The following GFOD1 variants were observed in gnomAD, a reference collection of about 807,000 sequenced individuals.
GFOD1 encodes glucose-fructose oxidoreductase domain-containing protein 1.
GFOD1 carries 9 observed loss-of-function variants against 25.4 expected under a neutral mutation model. That is an observed-to-expected ratio of 0.35 (90% CI 0.21 to 0.62). GFOD1 has a LOEUF of 0.62. GFOD1 is among the 20% of genes least tolerant of loss of function. The pLI is 0.72. For missense variants in GFOD1, 403 were observed against 556.9 expected, an observed-to-expected ratio of 0.72 and a Z score of 2.78; for synonymous variants, 253 against 245.6, an observed-to-expected ratio of 1.03 and a Z score of -0.28.
chr6:13,411,074 A>G (rs538446433), intron 1 of GFOD1, among the ~76,000 whole-genome samples: 4 of 152,354 alleles, frequency 2.6e-5, no homozygotes, highest in African/African-American at 9.6e-5. Flanking sequence ...ACCTTTGAGT[A>G]TGCTGTCATT....
At chr6:13,390,534 T>C (rs1785567849) in intron 1 of GFOD1, among the ~76,000 whole-genome samples, 1 of 152,006 alleles carries the variant, frequency 6.6e-6, no homozygotes, top group African/African-American at 2.4e-5. Context: ...GAGACCAACC[T>C]GGGCAACACA....
intron 1 of GFOD1, among the ~76,000 whole-genome samples, chr6:13,451,560 G>A (rs1758099526): frequency 6.6e-6 from 1 of 152,188 alleles, no homozygotes; most frequent in South Asian, 2.1e-4. Context: ...TCAAGCAGGT[G>A]GTGGCATGGG....
At chr6:13,415,780 C>A (rs2127567083) in intron 1 of GFOD1, among the ~76,000 whole-genome samples, 1 of 152,318 alleles carries the variant, frequency 6.6e-6, no homozygotes, top group Middle Eastern at 3.4e-3. Context: ...TGGCCATCCG[C>A]CTAACTGACC....
intron 1 of GFOD1, among the ~76,000 whole-genome samples, chr6:13,385,777 A>G (rs753232865): frequency 1.1e-4 from 16 of 152,334 alleles, no homozygotes; most frequent in Non-Finnish European, 1.9e-4. Flanking sequence ...GCCTTCTTCA[A>G]GGGCTTAAAG....
intron 1 of GFOD1, among the ~76,000 whole-genome samples, chr6:13,419,359 G>A (rs1786215480): frequency 6.6e-6 from 1 of 152,212 alleles, no homozygotes; most frequent in Admixed American, 6.5e-5. Context: ...CCTCCCAAGG[G>A]ATGAGTGAAA....
At chr6:13,483,204 A>C (rs1758791209) in intron 1 of GFOD1, among the ~76,000 whole-genome samples, 1 of 151,452 alleles carries the variant, frequency 6.6e-6, no homozygotes, top group Non-Finnish European at 1.5e-5. Context: ...AGACAACAGA[A>C]GGGTATGTAG....
chr6:13,413,338 T>C (rs1786110655), intron 1 of GFOD1, among the ~76,000 whole-genome samples: 2 of 152,190 alleles, frequency 1.3e-5, no homozygotes, highest in Non-Finnish European at 2.9e-5. Flanking sequence ...AGCCTGTCAT[T>C]GGCCTCCAGT....
chr6:13,360,682 G>A lies in GFOD1; in HGVS notation c.*4061C>T. The A allele has an allele frequency of 2.2e-6, 1 of 456,624 alleles. No homozygotes were observed. The highest frequency in any genetic ancestry group is 1.5e-5 in the South Asian group (1 of 64,570). 28.3% of individuals were successfully genotyped at this position (456,624 alleles called of 1,614,324 possible). ...GGGAAGAAACACTGGCTACTTCTAT[G>A]TGCAGCTCTACAGCCTCCTGGCAGA... On this transcript the variant is annotated 3_prime_UTR_variant, in exon 2 of 2. Transcript: ENST00000379287.
intron 1 of GFOD1, among the ~76,000 whole-genome samples, chr6:13,440,114 C>A (rs1757891450): frequency 6.6e-6 from 1 of 152,140 alleles, no homozygotes; most frequent in Non-Finnish European, 1.5e-5. Flanking sequence ...CAAGCTTGAT[C>A]AATCCTAGCA....
At chr6:13,469,105 A>G (rs992199863) in intron 1 of GFOD1, among the ~76,000 whole-genome samples, 10 of 152,122 alleles carry the variant, frequency 6.6e-5, no homozygotes, top group African/African-American at 2.4e-4. Context: ...ACTTCCCAGA[A>G]CTCAGTTATG....
At chr6:13,371,337 C>G (rs763684023) in intron 1 of GFOD1, among the ~76,000 whole-genome samples, 2 of 152,196 alleles carry the variant, frequency 1.3e-5, no homozygotes, top group Admixed American at 6.5e-5. Flanking sequence ...CTTTCTTACT[C>G]CTAGGTGAAC....
chr6:13,482,552 G>A (rs1406943989), intron 1 of GFOD1, among the ~76,000 whole-genome samples: 1 of 152,020 alleles, frequency 6.6e-6, no homozygotes, highest in African/African-American at 2.4e-5. Context: ...TTTGAGACCA[G>A]CCTGGCCAAC....
chr6:13,471,516 T>G (rs148658938), intron 1 of GFOD1, among the ~76,000 whole-genome samples: 1 of 152,328 alleles, frequency 6.6e-6, no homozygotes, highest in East Asian at 1.9e-4. Context: ...GCTCAGTCCC[T>G]ATGTCTAATA....
intron 1 of GFOD1, among the ~76,000 whole-genome samples, chr6:13,440,793 A>G (rs1757902610): frequency 1.3e-5 from 2 of 152,210 alleles, no homozygotes; most frequent in Admixed American, 1.3e-4. Flanking sequence ...AGAGCTCTTT[A>G]AATACTTTAA....
In GFOD1 at chr6:13,473,497, G is replaced by A. The variant is rs561634912; in HGVS notation, c.253+13141C>T. Among the ~76,000 whole-genome samples, 5 of 152,350 alleles carry A rather than the reference G, an allele frequency of 3.3e-5. No homozygotes were observed. The South Asian group carries it at 1.0e-3, about 32-fold the overall frequency. On this transcript the variant is annotated intron_variant, in intron 1 of 1. Transcript: ENST00000379287. ...GCTGTTTGCCTTGACTGACCCCAGA[G>A]CTCTGTCATTTGTGGCTGTCACCAT...
intron 1 of GFOD1, among the ~76,000 whole-genome samples, chr6:13,382,236 A>G (rs139970490): frequency 6.6e-6 from 1 of 152,192 alleles, no homozygotes; most frequent in East Asian, 1.9e-4. Flanking sequence ...TGGTGAAGAA[A>G]TCATGTTGTG....
At chr6:13,400,907 A>T (rs1785828220) in intron 1 of GFOD1, among the ~76,000 whole-genome samples, 1 of 152,218 alleles carries the variant, frequency 6.6e-6, no homozygotes, top group African/African-American at 2.4e-5. Context: ...ATTCTTTATC[A>T]CTATTAGTCA....
chr6:13,367,993 TACAG>T (rs1206657243), intron 1 of GFOD1, among the ~76,000 whole-genome samples: 2 of 152,282 alleles, frequency 1.3e-5, no homozygotes, highest in African/African-American at 2.4e-5. Flanking sequence ...TTGTCCTGAC[TACAG>T]ACACTCAATT....
At chr6:13,469,850 G>A (rs753962333) in intron 1 of GFOD1, 13 of 1,173,838 alleles carry the variant, frequency 1.1e-5, no homozygotes, top group Middle Eastern at 4.5e-4. Flanking sequence ...GCCATGAGAC[G>A]TAAATGAGTA....
Sources: gnomAD v4.1 joint callset for allele counts (sites outside exome capture counted in the v4.1 genomes callset) on GRCh38, gnomAD v4.1.1 for gene constraint, MANE v1.5 for transcripts, NCBI Gene and HGNC (gene_info 2026-07-23, HGNC 2026-07-21) for gene names.